NIPBL: variants seen among roughly 807,000 people sequenced by gnomAD.
The protein encoded by NIPBL is nipped-B-like protein.
NIPBL carries 19 observed loss-of-function variants against 321.8 expected under a neutral mutation model. The observed-to-expected ratio is 0.06, with a 90% CI of 0.04 to 0.09. NIPBL has a LOEUF of 0.09. NIPBL is among the 10% of genes least tolerant of loss of function. The pLI is 1.00. For missense variants in NIPBL, 2,210 were observed against 3,327.0 expected (o/e 0.66, Z 8.26); for synonymous variants, 1,106 against 1,114.1 (o/e 0.99, Z 0.14).
intron 42 of NIPBL, among the ~76,000 whole-genome samples, chr5:37,054,172 G>C (rs1025530305): frequency 6.8e-6 from 1 of 147,562 alleles, no homozygotes; most frequent in Non-Finnish European, 1.5e-5. Flanking sequence ...TTCCAGCCTG[G>C]CCGACAGAGC....
At chr5:36,897,959 T>C (rs1451482574) in intron 1 of NIPBL, among the ~76,000 whole-genome samples, 1 of 150,730 alleles carries the variant, frequency 6.6e-6, no homozygotes, top group Admixed American at 6.6e-5. Context: ...ATTTTGTTAA[T>C]ACAGATAATA....
chr5:37,002,916 G>GT (rs773778534), intron 15 of NIPBL, 151 bp downstream of exon 15: 44 of 580,364 alleles, frequency 7.6e-5, no homozygotes, highest in Non-Finnish European at 1.1e-4. Flanking sequence ...GAGTTTTTTT[G>GT]TTTTTTTACA....
chr5:37,001,998 AT>A (rs1427377884), intron 14 of NIPBL, among the ~76,000 whole-genome samples: 1 of 152,146 alleles, frequency 6.6e-6, no homozygotes, highest in African/African-American at 2.4e-5. Flanking sequence ...CTTCTGTATC[AT>A]TTAGGGTCCA....
At chr5:36,884,880 A>C (rs570135932) in intron 1 of NIPBL, among the ~76,000 whole-genome samples, 29 of 152,298 alleles carry the variant, frequency 1.9e-4, no homozygotes, top group Admixed American at 5.9e-4. Flanking sequence ...CAATACATAC[A>C]TAACTTTATA....
intron 20 of NIPBL, 36 bp downstream of exon 20, chr5:37,008,759 AACC>A (rs1194249667): frequency 1.0e-6 from 1 of 1,004,398 alleles, no homozygotes; most frequent in African/African-American, 1.6e-5. Flanking sequence ...TTTAATGAAG[AACC>A]ACCATTATAT....
intron 1 of NIPBL, among the ~76,000 whole-genome samples, chr5:36,936,258 A>G (rs1000594494): frequency 6.6e-6 from 1 of 152,116 alleles, no homozygotes; most frequent in Non-Finnish European, 1.5e-5. Flanking sequence ...AGTATATATA[A>G]CATACACAGT....
intron 45 of NIPBL, among the ~76,000 whole-genome samples, chr5:37,062,153 T>C (rs941764387): frequency 4.6e-5 from 7 of 152,354 alleles, no homozygotes; most frequent in African/African-American, 9.6e-5. Context: ...TTATTTTTTA[T>C]TGTGGCATTT....
intron 1 of NIPBL, among the ~76,000 whole-genome samples, chr5:36,924,667 T>C (rs1400438628): frequency 6.6e-6 from 1 of 152,200 alleles, no homozygotes; most frequent in Non-Finnish European, 1.5e-5. Context: ...TAAATGATGA[T>C]ATGAATGTAA....
Position 37,058,998 on chromosome 5 carries a change from T to C in NIPBL, c.7518T>C (p.Arg2506=). 6.2e-7 allele frequency: 1 copy of C among 1,614,062 alleles called. No individual in the cohort carries two copies. The highest frequency in any genetic ancestry group is 8.5e-7 in the Non-Finnish European group (1 of 1,179,996). Residue 2506 remains arginine, a synonymous_variant, in exon 44 of 47, where the codon CGT becomes CGC. Coordinates refer to ENST00000282516, the MANE Select transcript of NIPBL (RefSeq NM_133433.4). ...CCAGGCCTCGGAAGTCACGGAAACG[T>C]GTAGATTCAGATTCAGATTCAGATT... ...EVSRPRKSRK[R]VDSDSDSDSE...
intron 1 of NIPBL, among the ~76,000 whole-genome samples, chr5:36,936,168 A>G (rs1738397252): frequency 1.3e-5 from 2 of 152,154 alleles, no homozygotes. Flanking sequence ...TATTTGATAT[A>G]TAGTTGGGTT....
intron 3 of NIPBL, among the ~76,000 whole-genome samples, chr5:36,956,999 G>C (rs993171746): frequency 1.3e-5 from 2 of 151,986 alleles, no homozygotes; most frequent in Admixed American, 6.6e-5. Context: ...AAAGGAAATA[G>C]CACACGTAAA....
intron 9 of NIPBL, among the ~76,000 whole-genome samples, chr5:36,978,675 C>T (rs1280571865): frequency 1.3e-5 from 2 of 151,692 alleles, no homozygotes; most frequent in Non-Finnish European, 3.0e-5. Flanking sequence ...GACAATGTCC[C>T]AAAAGAGTTT....
intron 25 of NIPBL, 65 bp from the exon 26 acceptor site, chr5:37,020,394 C>T: frequency 8.8e-7 from 1 of 1,141,118 alleles, no homozygotes; most frequent in East Asian, 2.4e-5. Context: ...AGCACTCTAA[C>T]TTTATTAACT....
At position 37,027,128 on chromosome 5, in the gene NIPBL, A is replaced by T. The variant is rs116336470; in HGVS notation, c.5809-231A>T. Among the ~76,000 whole-genome samples, 247 of 152,326 alleles carry T rather than the reference A, an allele frequency of 1.6e-3. 3 individuals carry two copies. Among genetic ancestry groups the T allele is most frequent in the African/African-American group, 5.8e-3 (240 of 41,580 alleles). On this transcript the variant is annotated intron_variant, in intron 31 of 46. Coordinates refer to ENST00000282516, the MANE Select transcript of NIPBL (RefSeq NM_133433.4). ...TGCCACTTTAAACATTTAGTGCCAT[A>T]TTAAACCTCAATACATTAAACTAAT...
At chr5:36,881,999 T>G (rs1473731657) in intron 1 of NIPBL, among the ~76,000 whole-genome samples, 1 of 151,994 alleles carries the variant, frequency 6.6e-6, no homozygotes, top group African/African-American at 2.4e-5. Context: ...AGTAGCTAGA[T>G]CTATAAATTA....
intron 8 of NIPBL, among the ~76,000 whole-genome samples, chr5:36,973,410 C>T (rs1361840118): frequency 6.6e-6 from 1 of 150,750 alleles, no homozygotes. Flanking sequence ...AGGTTTGTTA[C>T]ATAGGTATAC....
chr5:37,058,995 A>C lies in NIPBL; in HGVS notation c.7515A>C (p.Lys2505Asn). 1 of 1,614,218 alleles carries C rather than the reference A, an allele frequency of 6.2e-7. No homozygotes were observed. The highest frequency in any genetic ancestry group is 8.5e-7 in the Non-Finnish European group (1 of 1,180,040). Residue 2505 changes from lysine to asparagine, a missense_variant, in exon 44 of 47, where the codon AAA (lysine) becomes AAC (asparagine). Physicochemically the swap from Lys to Asn is moderately conservative, Grantham distance 94 (BLOSUM62 0). Transcript: ENST00000282516. ...TTTCCAGGCCTCGGAAGTCACGGAA[A>C]CGTGTAGATTCAGATTCAGATTCAG... ...EEVSRPRKSR[K>N]RVDSDSDSDS...
rs1416999984 is a variant in NIPBL, at chr5:37,052,624, AAGT to A, written c.7263+62_7263+64del. 222 of 1,327,358 alleles carry A rather than the reference AAGT, an allele frequency of 1.7e-4. 1 individual carries two copies. The highest frequency in any genetic ancestry group is 8.3e-4 in the African/African-American group (57 of 68,290). The allele number at this position is 1,327,358 out of a possible 1,614,324, so 82.2% of individuals were successfully genotyped here. On this transcript the variant is annotated intron_variant, in intron 42 of 46. Transcript: ENST00000282516. Reference sequence around the variant, plus strand: ...AAGTGCTCTAGAAATTTTATGGATAAAGTAGTCATTTTTTAAATATTACCATTT... The same window carrying A: ...AAGTGCTCTAGAAATTTTATGGATAAAGTCATTTTTTAAATATTACCATTT...
chr5:36,877,381 G>A (rs546914124), intron 1 of NIPBL, among the ~76,000 whole-genome samples: 1 of 152,194 alleles, frequency 6.6e-6, no homozygotes, highest in Admixed American at 6.5e-5. Flanking sequence ...GGCTCCGGTG[G>A]CGGGGACTGG....
Sources: gnomAD v4.1 joint callset for allele counts (sites outside exome capture counted in the v4.1 genomes callset) on GRCh38, gnomAD v4.1.1 for gene constraint, MANE v1.5 for transcripts, NCBI Gene and HGNC (gene_info 2026-07-23, HGNC 2026-07-21) for gene names.